MRPS33: variants seen among roughly 807,000 people sequenced by gnomAD.
MRPS33 encodes mitochondrial ribosomal protein S33, also known as small ribosomal subunit protein mS33.
A neutral mutation model predicts 11.2 loss-of-function variants in MRPS33; 11 were observed. That is an observed-to-expected ratio of 0.99 (90% confidence interval 0.62 to 1.63). The LOEUF (loss-of-function observed/expected upper bound fraction) is 1.63, where lower values mean the gene tolerates loss of function less well. MRPS33 is among the 40% of genes most tolerant of loss of function. MRPS33 has a pLI of 0.00. For missense variants in MRPS33, 109 were observed against 127.8 expected (o/e 0.85, Z 0.71); for synonymous variants, 46 against 44.0 (o/e 1.05, Z -0.18).
In MRPS33 at chr7:141,004,258, C is replaced by T. The variant is rs1820471303; in HGVS notation, c.*2172G>A. The T allele has an allele frequency of 6.6e-6, 1 of 152,164 alleles. No individual in the cohort carries two copies. Among genetic ancestry groups the T allele is most frequent in the Non-Finnish European group, 1.5e-5 (1 of 68,044 alleles). 9.4% of individuals were successfully genotyped at this position (152,164 alleles called of 1,614,324 possible). ...GAGCTTGCAGTGAGCTGAGATTGCGCCACTGCACTCCAGCTGGTGAGAGTG... is the reference window on the plus strand; with the variant it reads ...GAGCTTGCAGTGAGCTGAGATTGCGTCACTGCACTCCAGCTGGTGAGAGTG... On this transcript the variant is annotated 3_prime_UTR_variant, in exon 3 of 3. Coordinates refer to ENST00000324787, the MANE Select transcript of MRPS33 (RefSeq NM_053035.3).
chr7:141,006,537 T>C lies in MRPS33; in HGVS notation c.216-2A>G. 2 of 1,611,758 alleles carry C rather than the reference T, an allele frequency of 1.2e-6. No homozygotes were observed. The highest frequency in any genetic ancestry group is 1.1e-5 in the South Asian group (1 of 90,988). On this transcript the variant is annotated splice_acceptor_variant, in intron 2 of 2. Coordinates refer to ENST00000324787, the MANE Select transcript of MRPS33 (RefSeq NM_053035.3). LOFTEE classifies it high-confidence loss of function. Reference sequence around the variant, plus strand: ...TCCATAAAATCCTGATGCTCATCTCTGAATGAAGAAGGAAAAAATAATTAA... The same window carrying C: ...TCCATAAAATCCTGATGCTCATCTCCGAATGAAGAAGGAAAAAATAATTAA...
Position 141,003,489 on chromosome 7 carries a change from T to C in MRPS33, c.*2941A>G, listed in dbSNP as rs1820453735. The C allele has an allele frequency of 6.6e-6, 1 of 152,248 alleles. No individual in the cohort carries two copies. The allele number at this position is 152,248 out of a possible 1,614,324, so 9.4% of individuals were successfully genotyped here. ...ATTTCTGATTTTCAGCCTGGAGCAG[T>C]GGCACACTAATCTACTTCTGCGTTA... On this transcript the variant is annotated 3_prime_UTR_variant, in exon 3 of 3. Coordinates refer to ENST00000324787, the MANE Select transcript of MRPS33 (RefSeq NM_053035.3).
In MRPS33 at chr7:141,006,522, C is replaced by G; in HGVS notation, c.229G>C (p.Asp77His). 1 of 1,613,662 alleles carries G rather than the reference C, an allele frequency of 6.2e-7. No individual in the cohort carries two copies. Among genetic ancestry groups the G allele is most frequent in the Non-Finnish European group, 8.5e-7 (1 of 1,179,948 alleles). The change falls in exon 3 of 3, where the codon GAT becomes CAT. Residue 77 changes from aspartate (D) to histidine (H), a missense_variant. Transcript: ENST00000324787. ...FLGLYRDEHQ[D>H]FMDEQKRLKK... ...AGTCGTTTTTGCTCATCCATAAAAT[C>G]CTGATGCTCATCTCTGAATGAAGAA...
intron 2 of MRPS33, 21 bp from the exon 3 acceptor site, chr7:141,006,556 T>C (rs753694383): frequency 1.9e-6 from 3 of 1,589,660 alleles, no homozygotes; most frequent in Non-Finnish European, 2.6e-6. Context: ...AAGGAAAAAA[T>C]AATTAACCAG....
chr7:141,007,346 C>T (rs1231689148), intron 2 of MRPS33, among the ~76,000 whole-genome samples: 1 of 152,048 alleles, frequency 6.6e-6, no homozygotes, highest in Non-Finnish European at 1.5e-5. Context: ...GTGTATGAAT[C>T]AAATGTAAGA....
intron 2 of MRPS33, among the ~76,000 whole-genome samples, chr7:141,007,776 C>T (rs1338259615): frequency 6.6e-6 from 1 of 152,176 alleles, no homozygotes; most frequent in Non-Finnish European, 1.5e-5. Context: ...CGAGGCTGAC[C>T]CTGACTGTCC....
rs577806866 is a variant in MRPS33, at chr7:141,009,452, G to C, written c.215+967C>G. Among the ~76,000 whole-genome samples, 9 of 151,016 alleles carry C rather than the reference G, an allele frequency of 6.0e-5. No homozygotes were observed. In the East Asian group the frequency reaches 1.7e-3, roughly 29 times the overall value. On this transcript the variant is annotated intron_variant, in intron 2 of 2. Coordinates refer to ENST00000324787, the MANE Select transcript of MRPS33 (RefSeq NM_053035.3). Reference sequence around the variant, plus strand: ...TGGCCTGATCTTTTTTTTTTTTTCAGAGATGCACACAGTTCTAAGCACCTA... The same window carrying C: ...TGGCCTGATCTTTTTTTTTTTTTCACAGATGCACACAGTTCTAAGCACCTA...
Position 141,006,002 on chromosome 7 carries a change from TTGG to T in MRPS33, c.*425_*427del, listed in dbSNP as rs1346619754. The stretch of plus-strand genomic sequence containing the variant: ...GAAGACACACACAAAGTTTGTGAGC[TTGG>T]TGGTGGAGACAGTGGCTGAAAGGCC... On this transcript the variant is annotated 3_prime_UTR_variant, in exon 3 of 3. Transcript: ENST00000324787. 1 of 167,754 alleles carries T rather than the reference TTGG, an allele frequency of 6.0e-6. No homozygotes were observed. The highest frequency in any genetic ancestry group is 1.3e-5 in the Non-Finnish European group (1 of 77,948). The allele number at this position is 167,754 out of a possible 1,614,324, so 10.4% of individuals were successfully genotyped here.
intron 1 of MRPS33, among the ~76,000 whole-genome samples, chr7:141,012,195 G>A (rs1344024029): frequency 0.022 from 535 of 23,978 alleles, 2 homozygotes; most frequent in East Asian, 0.036. Context: ...AAAAAAAAAA[G>A]CAGAGGCTGA....
Position 141,003,613 on chromosome 7 carries a change from C to T in MRPS33, c.*2817G>A, listed in dbSNP as rs1406037288. The T allele has an allele frequency of 6.6e-6, 1 of 152,250 alleles. No homozygotes were observed. The allele number at this position is 152,250 out of a possible 1,614,324, so 9.4% of individuals were successfully genotyped here. On this transcript the variant is annotated 3_prime_UTR_variant, in exon 3 of 3. Coordinates refer to ENST00000324787, the MANE Select transcript of MRPS33 (RefSeq NM_053035.3). ...CCATCGGCAAACCAATACATCGATT[C>T]TTTACTTGTTTTCCGACTCAGGTCT...
At position 141,006,288 on chromosome 7, in the gene MRPS33, G is replaced by C; in HGVS notation, c.*142C>G. ...AACCAGCCACAATGTAACCGGATTA[G>C]ATTTCACCAAGGAGATGACTGTGTT... On this transcript the variant is annotated 3_prime_UTR_variant, in exon 3 of 3. Coordinates refer to ENST00000324787, the MANE Select transcript of MRPS33 (RefSeq NM_053035.3). 1.4e-6 allele frequency: 1 copy of C among 725,482 alleles called. No individual in the cohort carries two copies. Among genetic ancestry groups the C allele is most frequent in the Non-Finnish European group, 2.3e-6 (1 of 439,320 alleles). 44.9% of individuals were successfully genotyped at this position (725,482 alleles called of 1,614,324 possible). A position where few individuals can be genotyped will look rare whatever the true frequency, so the allele number is the denominator to read the frequency against.
intron 1 of MRPS33, 27 bp from the exon 2 acceptor site, chr7:141,010,687 C>T (rs1188852936): frequency 1.3e-6 from 2 of 1,526,582 alleles, no homozygotes; most frequent in Admixed American, 3.3e-5. Flanking sequence ...GAAAGTTAAA[C>T]AGGTTAGGGT....
At position 141,002,827 on chromosome 7, in the gene MRPS33, C is replaced by T. The variant is rs1041907997; in HGVS notation, c.*3603G>A. On this transcript the variant is annotated 3_prime_UTR_variant, in exon 3 of 3. Transcript: ENST00000324787. ...CTGAACCTATCATGCTGCTTGTAAA[C>T]GTGGGGAACTTTATATTTTTAGGAG... is the stretch of plus-strand genomic sequence containing the variant. 12 of 155,048 alleles carry T rather than the reference C, an allele frequency of 7.7e-5. No individual in the cohort carries two copies. The highest frequency in any genetic ancestry group is 3.8e-4 in the Admixed American group (6 of 15,722). The allele number at this position is 155,048 out of a possible 1,614,324, so 9.6% of individuals were successfully genotyped here. A position where few individuals can be genotyped will look rare whatever the true frequency, so the allele number is the denominator to read the frequency against.
At position 141,004,284 on chromosome 7, in the gene MRPS33, A is replaced by G. The variant is rs1010640244; in HGVS notation, c.*2146T>C. On this transcript the variant is annotated 3_prime_UTR_variant, in exon 3 of 3. Coordinates refer to ENST00000324787, the MANE Select transcript of MRPS33 (RefSeq NM_053035.3). ...CACTGCACTCCAGCTGGTGAGAGTG[A>G]GACTCCGTCTCAAACAAAAAAAAAG... The G allele has an allele frequency of 6.6e-6, 1 of 152,004 alleles. No individual in the cohort carries two copies. The highest frequency in any genetic ancestry group is 2.4e-5 in the African/African-American group (1 of 41,432). 9.4% of individuals were successfully genotyped at this position (152,004 alleles called of 1,614,324 possible).
In MRPS33 at chr7:141,006,115, T is replaced by C. The variant is rs1424899572; in HGVS notation, c.*315A>G. The C allele has an allele frequency of 3.0e-6, 1 of 333,956 alleles. No individual in the cohort carries two copies. Among genetic ancestry groups the C allele is most frequent in the African/African-American group, 2.1e-5 (1 of 46,794 alleles). The allele number at this position is 333,956 out of a possible 1,614,324, so 20.7% of individuals were successfully genotyped here. On this transcript the variant is annotated 3_prime_UTR_variant, in exon 3 of 3. Coordinates refer to ENST00000324787, the MANE Select transcript of MRPS33 (RefSeq NM_053035.3). ...ACTATAGGATGCTCACTTAATGAGG[T>C]TTCCCCTCCATTCCCCCAGCATCCC...
intron 2 of MRPS33, among the ~76,000 whole-genome samples, chr7:141,008,928 G>A (rs1470698967): frequency 6.6e-6 from 1 of 151,704 alleles, no homozygotes; most frequent in Non-Finnish European, 1.5e-5. Context: ...CCAAGTAGCT[G>A]GGATTACAGG....
intron 1 of MRPS33, among the ~76,000 whole-genome samples, chr7:141,013,567 C>A (rs3805116): frequency 5.3e-5 from 8 of 152,182 alleles, no homozygotes; most frequent in Admixed American, 5.2e-4. Flanking sequence ...AACACGGGAG[C>A]TTTTCTTACA....
chr7:141,011,386 C>G (rs531711681), intron 1 of MRPS33, among the ~76,000 whole-genome samples: 2 of 152,290 alleles, frequency 1.3e-5, no homozygotes, highest in Non-Finnish European at 2.9e-5. Flanking sequence ...TGCAAACTAC[C>G]TAAGTTCTTA....
In MRPS33 at chr7:141,006,341, T is replaced by G; in HGVS notation, c.*89A>C. ...TCCAAATAAACTTCATTTAGGAAGA[T>G]GACATTCCTCCAATAGGTGGAAAGA... On this transcript the variant is annotated 3_prime_UTR_variant, in exon 3 of 3. Coordinates refer to ENST00000324787, the MANE Select transcript of MRPS33 (RefSeq NM_053035.3). 2 of 1,096,288 alleles carry G rather than the reference T, an allele frequency of 1.8e-6. No individual in the cohort carries two copies. Among genetic ancestry groups the G allele is most frequent in the Non-Finnish European group, 2.7e-6 (2 of 737,036 alleles). The allele number at this position is 1,096,288 out of a possible 1,614,324, so 67.9% of individuals were successfully genotyped here. A position where few individuals can be genotyped will look rare whatever the true frequency, so the allele number is the denominator to read the frequency against.
Sources: gnomAD v4.1 joint callset for allele counts (sites outside exome capture counted in the v4.1 genomes callset) on GRCh38, gnomAD v4.1.1 for gene constraint, MANE v1.5 for transcripts, NCBI Gene and HGNC (gene_info 2026-07-23, HGNC 2026-07-21) for gene names.